The following USP15 variants were observed in gnomAD, a reference collection of about 807,000 sequenced individuals.
USP15 encodes ubiquitin carboxyl-terminal hydrolase 15.
Under a neutral mutation model 127.1 loss-of-function variants are expected in USP15, and 18 were observed. That is an observed-to-expected ratio of 0.14 (90% confidence interval 0.10 to 0.21). The LOEUF (loss-of-function observed/expected upper bound fraction) is 0.21, where lower values mean the gene tolerates loss of function less well. USP15 is among the 10% of genes least tolerant of loss of function. The pLI, the probability that USP15 is intolerant of heterozygous loss-of-function variation, is 1.00. For synonymous variants in USP15, 364 were observed against 393.7 expected (o/e 0.92, Z 0.89); for missense variants, 805 against 1,159.9 (o/e 0.69, Z 4.44).
At chr12:62,339,875 G>T (rs1262330612) in intron 6 of USP15, among the ~76,000 whole-genome samples, 2 of 152,106 alleles carry the variant, frequency 1.3e-5, no homozygotes, top group Non-Finnish European at 2.9e-5. Flanking sequence ...GCCAGCTTTT[G>T]GTATCAGGAT....
At position 62,294,245 on chromosome 12, in the gene USP15, A is replaced by G. The variant is rs2064063336; in HGVS notation, c.156A>G (p.Lys52=). ...KKYVGFDSWD[K]YQMGDQNVYP... ...ATGTTGGCTTTGACAGTTGGGACAA[A>G]TACCAGATGGGAGATCAAAATGTGT... Residue 52 remains lysine (K), a synonymous_variant, in exon 2 of 22, where the codon AAA becomes AAG. Transcript: ENST00000280377. 6.2e-7 allele frequency: 1 copy of G among 1,613,612 alleles called. No individual in the cohort carries two copies. The highest frequency in any genetic ancestry group is 1.3e-5 in the African/African-American group (1 of 74,928).
At chr12:62,306,281 C>T (rs547930028) in intron 3 of USP15, among the ~76,000 whole-genome samples, 2 of 152,254 alleles carry the variant, frequency 1.3e-5, no homozygotes, top group South Asian at 4.1e-4. Flanking sequence ...ATAACTAATA[C>T]TAATCATGGT....
intron 2 of USP15, among the ~76,000 whole-genome samples, chr12:62,295,142 C>T (rs895448470): frequency 1.3e-5 from 2 of 152,252 alleles, no homozygotes; most frequent in African/African-American, 2.4e-5. Flanking sequence ...TAGACCCCCC[C>T]CCATAGGGTT....
chr12:62,325,215 C>G (rs1357061112), intron 5 of USP15, among the ~76,000 whole-genome samples: 1 of 151,922 alleles, frequency 6.6e-6, no homozygotes, highest in Admixed American at 6.6e-5. Flanking sequence ...CTCCCTAAGC[C>G]TATACTTTTT....
chr12:62,318,606 A>C (rs957403855), intron 4 of USP15, among the ~76,000 whole-genome samples: 2 of 152,042 alleles, frequency 1.3e-5, no homozygotes, highest in African/African-American at 4.8e-5. Context: ...CTGGCTTTAA[A>C]TATTTTCCAT....
rs554468231 is a variant in USP15, at chr12:62,415,817, A to C, written c.*11442A>C. ...CTACCACTGTAATTGAATATTACCT[A>C]CCTTTCAGAATAATTGCAAGGTTTT... On this transcript the variant is annotated 3_prime_UTR_variant, in exon 22 of 22. Transcript: ENST00000280377. The C allele has an allele frequency of 6.6e-6, 1 of 152,278 alleles. No individual in the cohort carries two copies. Among genetic ancestry groups the C allele is most frequent in the African/African-American group, 2.4e-5 (1 of 41,566 alleles). The allele number at this position is 152,278 out of a possible 1,614,324, so 9.4% of individuals were successfully genotyped here. A position where few individuals can be genotyped will look rare whatever the true frequency, so the allele number is the denominator to read the frequency against.
chr12:62,309,624 TCTCA>T (rs1315688450), intron 3 of USP15, among the ~76,000 whole-genome samples: 3 of 152,006 alleles, frequency 2.0e-5, no homozygotes, highest in Non-Finnish European at 4.4e-5. Flanking sequence ...TACAGGCTGG[TCTCA>T]CTCATGAACA....
chr12:62,322,204 T>G (rs1033517588), intron 5 of USP15, among the ~76,000 whole-genome samples: 1 of 152,192 alleles, frequency 6.6e-6, no homozygotes, highest in Non-Finnish European at 1.5e-5. Flanking sequence ...CTCGGCTCAC[T>G]GCAACCTCTG....
chr12:62,287,831 C>T (rs2063828288), intron 1 of USP15, among the ~76,000 whole-genome samples: 1 of 152,102 alleles, frequency 6.6e-6, no homozygotes, highest in Non-Finnish European at 1.5e-5. Flanking sequence ...TTCCCTGTAC[C>T]ATTTATTGAA....
Position 62,363,435 on chromosome 12 carries a change from G to A in USP15, c.915+7960G>A, listed in dbSNP as rs556877794. 2.6e-4 allele frequency among the ~76,000 whole-genome samples: 39 copies of A among 152,054 alleles called. 1 individual carries two copies. The South Asian group carries it at 4.2e-3, about 16-fold the overall frequency. On this transcript the variant is annotated intron_variant, in intron 8 of 21. Transcript: ENST00000280377. Reference sequence around the variant, plus strand: ...TGTGCCAAGAGCGTGCCTGCCTTAGGGTCTGTGAACTTGCAGTTTCCTATA... The same window carrying A: ...TGTGCCAAGAGCGTGCCTGCCTTAGAGTCTGTGAACTTGCAGTTTCCTATA...
chr12:62,327,800 A>G (rs921878770), intron 6 of USP15: 2 of 288,474 alleles, frequency 6.9e-6, no homozygotes, highest in African/African-American at 4.6e-5. Flanking sequence ...TAGAGATGAC[A>G]AAAGTACAAT....
chr12:62,400,542 C>T (rs1470515983), intron 20 of USP15, among the ~76,000 whole-genome samples: 6 of 146,856 alleles, frequency 4.1e-5, no homozygotes, highest in Non-Finnish European at 7.4e-5. Context: ...TGGTTGGGTT[C>T]AGGGACGCAG....
Position 62,408,531 on chromosome 12 carries a change from A to T in USP15, c.*4156A>T, listed in dbSNP as rs2067949583. 6.6e-6 allele frequency: 1 copy of T among 151,794 alleles called. No individual in the cohort carries two copies. The highest frequency in any genetic ancestry group is 6.6e-5 in the Admixed American group (1 of 15,222). The allele number at this position is 151,794 out of a possible 1,614,324, so 9.4% of individuals were successfully genotyped here. A position where few individuals can be genotyped will look rare whatever the true frequency, so the allele number is the denominator to read the frequency against. ...AGAATAAGAGTAGAAGTTTTTGCTCATTTTTTTTGTTTGTTTTTACTTTAC... is the reference window on the plus strand; with the variant it reads ...AGAATAAGAGTAGAAGTTTTTGCTCTTTTTTTTTGTTTGTTTTTACTTTAC... On this transcript the variant is annotated 3_prime_UTR_variant, in exon 22 of 22. Coordinates refer to ENST00000280377, the MANE Select transcript of USP15 (RefSeq NM_001252078.2).
At chr12:62,321,769 T>G (rs2064991180) in intron 5 of USP15, 160 bp downstream of exon 5, 1 of 494,990 alleles carries the variant, frequency 2.0e-6, no homozygotes, top group Non-Finnish European at 3.3e-6. Flanking sequence ...CTCTGACTTT[T>G]GATTCCCTCC....
intron 4 of USP15, among the ~76,000 whole-genome samples, chr12:62,316,299 A>AAG (rs1214742708): frequency 5.3e-5 from 8 of 150,552 alleles, no homozygotes; most frequent in Admixed American, 2.6e-4. Flanking sequence ...AAAAAAAAAA[A>AAG]GCCCATAGAG....
At chr12:62,326,021 G>T in intron 6 of USP15, 88 bp downstream of exon 6, 1 of 1,119,330 alleles carries the variant, frequency 8.9e-7, no homozygotes, top group Non-Finnish European at 1.3e-6. Flanking sequence ...GAAGAACCTA[G>T]ATGTGTATTG....
At chr12:62,312,856 T>C (rs182151271) in intron 3 of USP15, among the ~76,000 whole-genome samples, 5 of 151,748 alleles carry the variant, frequency 3.3e-5, no homozygotes, top group Admixed American at 1.3e-4. Context: ...TAAACAAATA[T>C]GAAGGAGATT....
At chr12:62,361,713 A>G (rs545849412) in intron 8 of USP15, among the ~76,000 whole-genome samples, 3 of 152,110 alleles carry the variant, frequency 2.0e-5, no homozygotes, top group Admixed American at 6.6e-5. Flanking sequence ...CCTCCCTCCA[A>G]GAAAATAAAA....
intron 2 of USP15, among the ~76,000 whole-genome samples, chr12:62,299,408 G>A (rs1243893916): frequency 6.6e-6 from 1 of 152,134 alleles, no homozygotes; most frequent in East Asian, 1.9e-4. Flanking sequence ...ACTGTGCCTG[G>A]CCCAATATGA....
Sources: allele counts gnomAD v4.1 joint callset (sites outside exome capture counted in the v4.1 genomes callset), GRCh38; gene constraint gnomAD v4.1.1; transcripts MANE v1.5; gene names NCBI Gene and HGNC (gene_info 2026-07-23, HGNC 2026-07-21).